TMTC2: variants seen among roughly 807,000 people sequenced by gnomAD.
TMTC2 encodes transmembrane O-mannosyltransferase targeting cadherins 2.
In TMTC2, 43 loss-of-function variants were observed where a neutral mutation model predicts 82.4. The observed-to-expected ratio is 0.52, with a 90% CI of 0.41 to 0.67. The LOEUF (loss-of-function observed/expected upper bound fraction) is 0.67. Ranked by LOEUF, TMTC2 falls within the 30% of genes least tolerant of loss-of-function variation. The probability of loss-of-function intolerance (pLI) is 0.00; values close to 1 mark genes in which losing one functional copy is unlikely to be tolerated. For missense variants in TMTC2, 919 were observed against 1,012.4 expected (o/e 0.91, Z 1.25); for synonymous variants, 408 against 381.9 (o/e 1.07, Z -0.80).
At chr12:82,802,626 AAATTGATTT>A (rs1402627636) in intron 1 of TMTC2, among the ~76,000 whole-genome samples, 1 of 152,202 alleles carries the variant, frequency 6.6e-6, no homozygotes, top group African/African-American at 2.4e-5. Context: ...TTGAAAGATA[AAATTGATTT>A]TGACAAAATA....
intron 9 of TMTC2, among the ~76,000 whole-genome samples, chr12:83,041,879 A>G (rs1366775367): frequency 2.0e-5 from 3 of 152,108 alleles, no homozygotes; most frequent in Non-Finnish European, 1.5e-5. Context: ...ATCTTGGAGA[A>G]CTCTGTAGTG....
chr12:83,075,193 C>A (rs975239411), intron 11 of TMTC2, among the ~76,000 whole-genome samples: 4 of 152,172 alleles, frequency 2.6e-5, no homozygotes, highest in African/African-American at 9.7e-5. Flanking sequence ...CCCTTTCCTA[C>A]TTCCACAGTT....
intron 11 of TMTC2, among the ~76,000 whole-genome samples, chr12:83,095,503 G>A (rs1404707459): frequency 1.3e-5 from 2 of 152,088 alleles, no homozygotes; most frequent in Non-Finnish European, 2.9e-5. Context: ...GCCTCCCAAA[G>A]TGCTGGGATT....
chr12:82,734,981 C>T (rs1280522332), intron 1 of TMTC2, among the ~76,000 whole-genome samples: 2 of 152,098 alleles, frequency 1.3e-5, no homozygotes, highest in African/African-American at 2.4e-5. Context: ...CAAGAGAGCC[C>T]ACGTGGTATA....
At chr12:82,997,221 C>CTCTCTCTCTCTCTATATATA (rs1451262969) in intron 8 of TMTC2, among the ~76,000 whole-genome samples, 20 of 118,548 alleles carry the variant, frequency 1.7e-4, no homozygotes, top group African/African-American at 7.3e-4. Flanking sequence ...CTCTCTCTCT[C>CTCTCTCTCTCTCTATATATA]TATATATATA....
Position 82,814,590 on chromosome 12 carries a change from G to A in TMTC2, c.84-42420G>A, listed in dbSNP as rs553380136. Reference sequence around the variant, plus strand: ...GTATTCACGGAGGATTATAAAGGAAGCAAGTAGATAAGAGAGAAAAAGAAC... The same window carrying A: ...GTATTCACGGAGGATTATAAAGGAAACAAGTAGATAAGAGAGAAAAAGAAC... On this transcript the variant is annotated intron_variant, in intron 1 of 11. Coordinates refer to ENST00000321196, the MANE Select transcript of TMTC2 (RefSeq NM_152588.3). Among the ~76,000 whole-genome samples, 17 of 152,242 alleles carry A rather than the reference G, an allele frequency of 1.1e-4. 1 individual carries two copies. The highest frequency in any genetic ancestry group is 1.9e-4 in the Non-Finnish European group (13 of 68,006).
At chr12:82,994,107 C>G (rs1274944765) in intron 8 of TMTC2, among the ~76,000 whole-genome samples, 1 of 152,072 alleles carries the variant, frequency 6.6e-6, no homozygotes, top group Non-Finnish European at 1.5e-5. Flanking sequence ...TATCTAAGCC[C>G]ATTTGTAATT....
At chr12:82,999,188 C>T (rs1156804342) in intron 8 of TMTC2, among the ~76,000 whole-genome samples, 7 of 152,218 alleles carry the variant, frequency 4.6e-5, no homozygotes, top group Admixed American at 3.3e-4. Context: ...GACAGTTTCT[C>T]AGACTTATTT....
At chr12:82,751,780 A>G (rs566601741) in intron 1 of TMTC2, among the ~76,000 whole-genome samples, 9 of 152,300 alleles carry the variant, frequency 5.9e-5, no homozygotes, top group Admixed American at 2.0e-4. Context: ...AAGAAGGAAA[A>G]TAGTGTGGAA....
intron 4 of TMTC2, 77 bp from the exon 5 acceptor site, chr12:82,964,947 G>T: frequency 2.3e-6 from 2 of 882,774 alleles, no homozygotes; most frequent in Non-Finnish European, 3.4e-6. Flanking sequence ...TTTTATTTTT[G>T]GAATATAAAA....
chr12:82,737,099 A>G (rs1015417162), intron 1 of TMTC2, among the ~76,000 whole-genome samples: 29 of 152,200 alleles, frequency 1.9e-4, no homozygotes, highest in Non-Finnish European at 3.5e-4. Context: ...CCATTTAGAA[A>G]TTGTTCTGAA....
intron 4 of TMTC2, among the ~76,000 whole-genome samples, chr12:82,942,501 A>T (rs1268587083): frequency 1.3e-5 from 2 of 152,206 alleles, no homozygotes; most frequent in Non-Finnish European, 2.9e-5. Context: ...GGAAAAACAT[A>T]AGAATATAAA....
chr12:82,758,186 T>C (rs1284963025), intron 1 of TMTC2, among the ~76,000 whole-genome samples: 3 of 152,190 alleles, frequency 2.0e-5, no homozygotes, highest in Non-Finnish European at 2.9e-5. Flanking sequence ...GAATTCTGTG[T>C]TTATTCTCCA....
At chr12:82,863,773 A>G (rs11115464) in intron 2 of TMTC2, among the ~76,000 whole-genome samples, 1,970 of 152,284 alleles carry the variant, frequency 0.013, 46 homozygotes, top group African/African-American at 0.045. Flanking sequence ...GCCAAGCGCT[A>G]TAGTAGGCGA....
At chr12:82,872,976 TTACAG>T (rs1346057467) in intron 2 of TMTC2, among the ~76,000 whole-genome samples, 1 of 152,134 alleles carries the variant, frequency 6.6e-6, no homozygotes, top group East Asian at 1.9e-4. Context: ...ATATGAATAT[TTACAG>T]TAACTGGAAT....
chr12:82,900,545 C>T (rs1337908743), intron 3 of TMTC2, among the ~76,000 whole-genome samples: 6 of 123,340 alleles, frequency 4.9e-5, no homozygotes, highest in African/African-American at 1.2e-4. Flanking sequence ...TATACATATC[C>T]GGAATATAGA....
At chr12:83,070,997 G>A (rs114875933) in intron 11 of TMTC2, among the ~76,000 whole-genome samples, 1,655 of 152,168 alleles carry the variant, frequency 0.011, 36 homozygotes, top group African/African-American at 0.038. Context: ...TACATTTATT[G>A]ACTTATGTAT....
At chr12:83,044,434 A>C (rs1211970815) in intron 9 of TMTC2, among the ~76,000 whole-genome samples, 1 of 152,182 alleles carries the variant, frequency 6.6e-6, no homozygotes. Context: ...TGATCATAGC[A>C]AGCTGTGTAG....
At chr12:82,918,770 C>G (rs1196663678) in intron 3 of TMTC2, among the ~76,000 whole-genome samples, 1 of 151,406 alleles carries the variant, frequency 6.6e-6, no homozygotes, top group South Asian at 2.1e-4. Flanking sequence ...CTCTCTCCCT[C>G]TCTTTGAGAC....
Sources: allele counts gnomAD v4.1 joint callset (sites outside exome capture counted in the v4.1 genomes callset), GRCh38; gene constraint gnomAD v4.1.1; transcripts MANE v1.5; gene names NCBI Gene and HGNC (gene_info 2026-07-23, HGNC 2026-07-21).